DUOX1: variants seen among roughly 807,000 people sequenced by gnomAD.
DUOX1 encodes dual oxidase 1, also known as NADPH thyroid oxidase 1.
A neutral mutation model predicts 181.8 loss-of-function variants in DUOX1; 134 were observed. That is an observed-to-expected ratio of 0.74 (90% CI 0.64 to 0.85). DUOX1 has a LOEUF of 0.85. Ranked by LOEUF, DUOX1 falls within the 40% of genes least tolerant of loss-of-function variation. DUOX1 has a pLI of 0.00. For synonymous variants in DUOX1, 798 were observed against 832.5 expected (o/e 0.96, Z 0.71); for missense variants, 1,814 against 2,064.4 (o/e 0.88, Z 2.35).
intron 21 of DUOX1, among the ~76,000 whole-genome samples, chr15:45,149,113 G>A (rs1896741608): frequency 6.6e-6 from 1 of 152,118 alleles, no homozygotes. Context: ...GGCCTGCTCT[G>A]AGCTGTTATG....
intron 25 of DUOX1, 132 bp from the exon 26 acceptor site, chr15:45,153,242 AAAAGAG>A (rs1367546020): frequency 1.6e-5 from 7 of 451,590 alleles, no homozygotes; most frequent in African/African-American, 9.9e-5. Flanking sequence ...AAAAAAAAAA[AAAAGAG>A]GTCAGAAGTC....
chr15:45,142,137 G>T (rs1896515950), intron 15 of DUOX1, 25 bp downstream of exon 15: 1 of 1,606,798 alleles, frequency 6.2e-7, no homozygotes, highest in African/African-American at 1.3e-5. Context: ...AGAGTGGGGT[G>T]GGGTGAGAGA....
At chr15:45,139,622 A>C in intron 12 of DUOX1, 23 bp downstream of exon 12, 19 of 992,964 alleles carry the variant, frequency 1.9e-5, no homozygotes, top group Non-Finnish European at 2.6e-5. Flanking sequence ...CAGGACCCAG[A>C]GGGTAGGGCG....
chr15:45,135,174 C>CATCCCGCCCGGAGACCCCATGGTCG lies in DUOX1; in HGVS notation c.399_400insGTCGATCCCGCCCGGAGACCCCATG (p.Phe134ValfsTer169). On this transcript the variant is annotated frameshift_variant, in exon 5 of 34. Transcript: ENST00000389037. LOFTEE classifies it high-confidence loss of function. ...GCCCCGCCGAGTTCCTCAACATTCGCATCCCGCCCGGAGACCCCATGTTCG... is the reference window on the plus strand; with the variant it reads ...GCCCCGCCGAGTTCCTCAACATTCGCATCCCGCCCGGAGACCCCATGGTCGATCCCGCCCGGAGACCCCATGTTCG... The CATCCCGCCCGGAGACCCCATGGTCG allele has an allele frequency of 6.2e-7, 1 of 1,613,892 alleles. No individual in the cohort carries two copies. The highest frequency in any genetic ancestry group is 2.2e-5 in the East Asian group (1 of 44,860).
chr15:45,157,401 G>A (rs1481961320), intron 28 of DUOX1, among the ~76,000 whole-genome samples: 1 of 152,204 alleles, frequency 6.6e-6, no homozygotes, highest in African/African-American at 2.4e-5. Flanking sequence ...CTTTGAACTA[G>A]ATGAGAGATC....
chr15:45,148,607 A>C, intron 21 of DUOX1, 160 bp downstream of exon 21: 1 of 599,354 alleles, frequency 1.7e-6, no homozygotes, highest in Non-Finnish European at 2.5e-6. Flanking sequence ...TCTGGATTGT[A>C]GTTTTCTTTA....
At chr15:45,164,043 TG>T in intron 33 of DUOX1, 125 bp downstream of exon 33, 1 of 1,418,106 alleles carries the variant, frequency 7.1e-7, no homozygotes, top group Non-Finnish European at 9.6e-7. Flanking sequence ...GGGAGATTGG[TG>T]GGGTAATGGA....
rs778378470 is a variant in DUOX1, at chr15:45,131,951, C to A, written c.-16C>A. On this transcript the variant is annotated 5_prime_UTR_variant, in exon 2 of 34. Coordinates refer to ENST00000389037, the MANE Select transcript of DUOX1 (RefSeq NM_175940.3). ...TTTTGGGACATTCTAATCCCTGAGC[C>A]CCTATTATTTTCATCATGGGCTTCT... The A allele has an allele frequency of 6.2e-7, 1 of 1,613,850 alleles. No individual in the cohort carries two copies. The highest frequency in any genetic ancestry group is 1.3e-5 in the African/African-American group (1 of 74,994).
rs961754514 is a variant in DUOX1, at chr15:45,135,407, C to T, written c.496-67C>T. The T allele has an allele frequency of 1.3e-5, 19 of 1,508,876 alleles. No homozygotes were observed. In the Admixed American group the frequency reaches 4.0e-4, roughly 32 times the overall value. 93.5% of individuals were successfully genotyped at this position (1,508,876 alleles called of 1,614,324 possible). A position where few individuals can be genotyped will look rare whatever the true frequency, so the allele number is the denominator to read the frequency against. On this transcript the variant is annotated intron_variant, in intron 5 of 33. Transcript: ENST00000389037. ...CCACTCCCCAGCCGCGGACACCCGC[C>T]GGGCCCCGGCCTTCCCTAGCTCGCC... is the stretch of plus-strand genomic sequence containing the variant.
chr15:45,142,811 GA>G (rs1896542934), intron 15 of DUOX1, among the ~76,000 whole-genome samples: 2 of 151,072 alleles, frequency 1.3e-5, no homozygotes, highest in East Asian at 2.0e-4. Flanking sequence ...GAGGGAGGAA[GA>G]GCAGGCTGGG....
chr15:45,138,033 A>T lies in DUOX1; in HGVS notation c.1113+19A>T, dbSNP rs376700622. On this transcript the variant is annotated intron_variant, in intron 10 of 33. Transcript: ENST00000389037. ...CCGTGAGGTCCGAGCTGGGGGCCAC[A>T]TATGTGGTGGATGTGTGTGTGTGCA... The T allele has an allele frequency of 6.3e-6, 10 of 1,588,452 alleles. No individual in the cohort carries two copies. In the African/African-American group the frequency reaches 9.5e-5, roughly 15 times the overall value.
chr15:45,135,072 T>C (rs754904983), intron 4 of DUOX1, 32 bp from the exon 5 acceptor site: 5 of 1,600,884 alleles, frequency 3.1e-6, no homozygotes, highest in African/African-American at 1.4e-5. Flanking sequence ...GCCCTCTGCT[T>C]GCCCTAGCAC....
At chr15:45,153,219 TA>T (rs71114313) in intron 25 of DUOX1, 160 bp from the exon 26 acceptor site, 7,519 of 195,480 alleles carry the variant, frequency 0.038, 4 homozygotes, top group Middle Eastern at 0.051. Context: ...AGACTCCATC[TA>T]AAAAAAAAAA....
chr15:45,158,244 T>C (rs1897011128), intron 28 of DUOX1, among the ~76,000 whole-genome samples: 1 of 152,112 alleles, frequency 6.6e-6, no homozygotes, highest in East Asian at 1.9e-4. Context: ...CAGAAAGCCT[T>C]AGGGGTGGGT....
chr15:45,165,036 T>C lies in DUOX1; in HGVS notation c.*135T>C. On this transcript the variant is annotated 3_prime_UTR_variant, in exon 34 of 34. Coordinates refer to ENST00000389037, the MANE Select transcript of DUOX1 (RefSeq NM_175940.3). The stretch of plus-strand genomic sequence containing the variant: ...CTCCCAACCTTGTTCCAGGTGGCCA[T>C]AGTCAGTCACCATGTGTGGGCTCAG... 5 of 1,027,862 alleles carry C rather than the reference T, an allele frequency of 4.9e-6. No individual in the cohort carries two copies. The highest frequency in any genetic ancestry group is 5.8e-6 in the Non-Finnish European group (4 of 693,256). 63.7% of individuals were successfully genotyped at this position (1,027,862 alleles called of 1,614,324 possible). A position where few individuals can be genotyped will look rare whatever the true frequency, so the allele number is the denominator to read the frequency against.
In DUOX1 at chr15:45,134,205, G is replaced by A; in HGVS notation, c.203G>A (p.Gly68Glu). Reference sequence around the variant, plus strand: ...GCAGATGGCGTGTACCAGCCCTTGGGAGAACCCCACCTGCCCAACCCCCGA... The same window carrying A: ...GCAGATGGCGTGTACCAGCCCTTGGAAGAACCCCACCTGCCCAACCCCCGA... ...SYADGVYQPLGEPHLPNPRDL... is the reference protein window; with the variant it reads ...SYADGVYQPLEEPHLPNPRDL... Residue 68 changes from glycine to glutamate, a missense_variant, in exon 4 of 34, where the codon GGA (glycine) becomes GAA (glutamate). Gly to Glu is a moderately conservative substitution (Grantham distance 98). Around this residue, in one of 5 missense-constraint regions of DUOX1, gnomAD observed 320 missense variants for 313.1 expected, o/e 1.02. Transcript: ENST00000389037. 6.4e-7 allele frequency: 1 copy of A among 1,559,052 alleles called. No homozygotes were observed. Among genetic ancestry groups the A allele is most frequent in the African/African-American group, 1.4e-5 (1 of 72,262 alleles).
At chr15:45,150,360 C>A in intron 21 of DUOX1, 2 of 482,456 alleles carry the variant, frequency 4.1e-6, no homozygotes, top group South Asian at 5.7e-5. Context: ...AAATCTACCC[C>A]ATAGTCCCAG....
intron 28 of DUOX1, among the ~76,000 whole-genome samples, chr15:45,159,884 G>A (rs765604258): frequency 3.3e-5 from 5 of 152,192 alleles, no homozygotes; most frequent in Non-Finnish European, 4.4e-5. Flanking sequence ...GCCGCGCGCG[G>A]TGGCTCACAC....
At position 45,155,929 on chromosome 15, in the gene DUOX1, G is replaced by T. The variant is rs28393190; in HGVS notation, c.3702G>T (p.Leu1234=). ...THHLYILLYV[L]LIIHGSFALI... ...ACCTCTACATCCTGCTCTATGTCCTGGTGAGGGCTTTTGGCTGTGAGCCAG... is the reference window on the plus strand; with the variant it reads ...ACCTCTACATCCTGCTCTATGTCCTTGTGAGGGCTTTTGGCTGTGAGCCAG... Residue 1234 remains leucine, a splice_region_variant and synonymous_variant, in exon 28 of 34, where the codon CTG becomes CTT. Coordinates refer to ENST00000389037, the MANE Select transcript of DUOX1 (RefSeq NM_175940.3). 1 of 1,614,016 alleles carries T rather than the reference G, an allele frequency of 6.2e-7. No individual in the cohort carries two copies. Among genetic ancestry groups the T allele is most frequent in the Non-Finnish European group, 8.5e-7 (1 of 1,180,036 alleles).
Sources: gnomAD v4.1 joint callset for allele counts (sites outside exome capture counted in the v4.1 genomes callset) on GRCh38, gnomAD v4.1.1 for gene constraint, gnomAD v4.1.1 regional missense constraint, MANE v1.5 for transcripts, NCBI Gene and HGNC (gene_info 2026-07-23, HGNC 2026-07-21) for gene names.